Variants in PLPP4 observed in about 807,000 individuals in gnomAD.
PLPP4 encodes phospholipid phosphatase 4.
Under a neutral mutation model 32.2 loss-of-function variants are expected in PLPP4, and 20 were observed. The ratio of observed to expected loss-of-function variants is 0.62; its 90% CI spans 0.44 to 0.90. The LOEUF (loss-of-function observed/expected upper bound fraction) is 0.90. Ranked by LOEUF, PLPP4 falls within the 40% of genes least tolerant of loss-of-function variation. PLPP4 has a pLI of 0.00. For synonymous variants in PLPP4, 127 were observed against 133.0 expected, an observed-to-expected ratio of 0.95 and a Z score of 0.31; for missense variants, 257 against 353.1, an observed-to-expected ratio of 0.73 and a Z score of 2.18.
intron 1 of PLPP4, among the ~76,000 whole-genome samples, chr10:120,498,621 AGTTAT>A (rs1159674941): frequency 6.6e-6 from 1 of 151,000 alleles, no homozygotes; most frequent in Non-Finnish European, 1.5e-5. Flanking sequence ...GAGGGCCCTG[AGTTAT>A]GTACATAGAC....
intron 1 of PLPP4, among the ~76,000 whole-genome samples, chr10:120,491,565 A>G (rs532162594): frequency 1.3e-5 from 2 of 152,282 alleles, no homozygotes; most frequent in South Asian, 4.1e-4. Flanking sequence ...ATGAAGCTAA[A>G]TATTTCCCAA....
chr10:120,505,476 A>G (rs1845450746), intron 2 of PLPP4, among the ~76,000 whole-genome samples: 1 of 152,186 alleles, frequency 6.6e-6, no homozygotes, highest in Non-Finnish European at 1.5e-5. Context: ...CTCTCTGGGA[A>G]CTGCTCCAGA....
chr10:120,508,207 A>G (rs1845585824), intron 2 of PLPP4, among the ~76,000 whole-genome samples: 1 of 152,208 alleles, frequency 6.6e-6, no homozygotes, highest in South Asian at 2.1e-4. Flanking sequence ...AGAAAAAGAG[A>G]CAAGGCTGGA....
chr10:120,546,672 A>G (rs912048977), intron 5 of PLPP4, among the ~76,000 whole-genome samples: 5 of 152,056 alleles, frequency 3.3e-5, no homozygotes, highest in Non-Finnish European at 7.4e-5. Flanking sequence ...GCTCTTCCCT[A>G]TAGCCTACCC....
At chr10:120,567,928 G>A (rs1313239480) in intron 5 of PLPP4, among the ~76,000 whole-genome samples, 1 of 152,184 alleles carries the variant, frequency 6.6e-6, no homozygotes, top group South Asian at 2.1e-4. Context: ...TTCCTTTGTG[G>A]TGTGTGAGAT....
At chr10:120,585,547 G>C (rs999206493) in intron 6 of PLPP4, among the ~76,000 whole-genome samples, 1 of 152,096 alleles carries the variant, frequency 6.6e-6, no homozygotes, top group Admixed American at 6.5e-5. Context: ...GTCCTATTTT[G>C]GCATGCTCCA....
At position 120,518,914 on chromosome 10, in the gene PLPP4, T is replaced by A; in HGVS notation, c.320+18T>A. 3.7e-6 allele frequency: 6 copies of A among 1,600,216 alleles called. No individual in the cohort carries two copies. Among genetic ancestry groups the A allele is most frequent in the Non-Finnish European group, 5.1e-6 (6 of 1,169,456 alleles). ...GTGGGAAGGTAAGTTCCAAGAAGAA[T>A]GAAATGGTGACTTAGACTATCAAGG... On this transcript the variant is annotated intron_variant, in intron 4 of 6. Coordinates refer to ENST00000398250, the MANE Select transcript of PLPP4 (RefSeq NM_001030059.3).
At chr10:120,499,638 C>T (rs938969710) in intron 1 of PLPP4, among the ~76,000 whole-genome samples, 2 of 152,116 alleles carry the variant, frequency 1.3e-5, no homozygotes, top group African/African-American at 2.4e-5. Flanking sequence ...ATCTACAGAT[C>T]GGCAGCGTGG....
chr10:120,463,261 C>T (rs1258072321), intron 1 of PLPP4, among the ~76,000 whole-genome samples: 4 of 152,072 alleles, frequency 2.6e-5, no homozygotes, highest in East Asian at 1.9e-4. Flanking sequence ...CTCCTGACCT[C>T]GTGATCTGCC....
chr10:120,498,197 A>G (rs913371279), intron 1 of PLPP4, among the ~76,000 whole-genome samples: 1 of 152,216 alleles, frequency 6.6e-6, no homozygotes, highest in East Asian at 1.9e-4. Flanking sequence ...TTGCTTTTCA[A>G]TGTAGTAACA....
At chr10:120,477,243 A>AAAAAAAAAAAG (rs1268138561) in intron 1 of PLPP4, among the ~76,000 whole-genome samples, 1 of 12,420 alleles carries the variant, frequency 8.1e-5, no homozygotes, top group South Asian at 0.01. Context: ...AGAACGGTTC[A>AAAAAAAAAAAG]AAAAGAAAAG....
At chr10:120,562,532 C>A (rs896780807) in intron 5 of PLPP4, among the ~76,000 whole-genome samples, 1 of 152,164 alleles carries the variant, frequency 6.6e-6, no homozygotes, top group Non-Finnish European at 1.5e-5. Flanking sequence ...ATGCTTTAAA[C>A]GTCTGACCAA....
intron 5 of PLPP4, among the ~76,000 whole-genome samples, chr10:120,569,910 C>T (rs1848854224): frequency 6.6e-6 from 1 of 152,186 alleles, no homozygotes; most frequent in Non-Finnish European, 1.5e-5. Flanking sequence ...AGGCAGTTAG[C>T]ATTGCTCTAA....
At chr10:120,512,152 A>C (rs764808215) in intron 2 of PLPP4, among the ~76,000 whole-genome samples, 1 of 152,202 alleles carries the variant, frequency 6.6e-6, no homozygotes, top group Non-Finnish European at 1.5e-5. Flanking sequence ...TGAGGAAATC[A>C]GTACTTCAAC....
intron 5 of PLPP4, among the ~76,000 whole-genome samples, chr10:120,567,512 A>G (rs2134030066): frequency 6.6e-6 from 1 of 152,354 alleles, no homozygotes; most frequent in African/African-American, 2.4e-5. Flanking sequence ...CTTAATACCT[A>G]GAAGAGTTCT....
chr10:120,531,208 T>G (rs934082014), intron 5 of PLPP4, among the ~76,000 whole-genome samples: 2 of 151,010 alleles, frequency 1.3e-5, no homozygotes, highest in Non-Finnish European at 2.9e-5. Flanking sequence ...TGGGTTCAAG[T>G]GATTCTTCTG....
chr10:120,589,480 G>T lies in PLPP4; in HGVS notation c.794G>T (p.Gly265Val). 6.2e-7 allele frequency: 1 copy of T among 1,614,104 alleles called. No individual in the cohort carries two copies. The highest frequency in any genetic ancestry group is 8.5e-7 in the Non-Finnish European group (1 of 1,180,022). Residue 265 changes from glycine (G) to valine (V), a missense_variant, in exon 7 of 7, where the codon GGG becomes GTG. Physicochemically the swap from Gly to Val is moderately radical, Grantham distance 109. Transcript: ENST00000398250. Reference sequence around the variant, plus strand: ...AGCGCACCCAGCTTGCCTCTGGAGGGGATCACCGAAGGCCCGGTATGACCA... The same window carrying T: ...AGCGCACCCAGCTTGCCTCTGGAGGTGATCACCGAAGGCCCGGTATGACCA... ...ADSAPSLPLEGITEGPV is the reference protein window; with the variant it reads ...ADSAPSLPLEVITEGPV
intron 6 of PLPP4, among the ~76,000 whole-genome samples, chr10:120,585,593 A>T (rs1012036063): frequency 1.3e-5 from 2 of 152,216 alleles, no homozygotes; most frequent in Non-Finnish European, 2.9e-5. Context: ...TTATTAAATT[A>T]TCATCACAAC....
At chr10:120,546,052 T>G (rs937228055) in intron 5 of PLPP4, among the ~76,000 whole-genome samples, 1 of 152,194 alleles carries the variant, frequency 6.6e-6, no homozygotes, top group Non-Finnish European at 1.5e-5. Flanking sequence ...ACCAATGGTT[T>G]GCCAGGGGCT....
Sources: allele counts gnomAD v4.1 joint callset (sites outside exome capture counted in the v4.1 genomes callset), GRCh38; gene constraint gnomAD v4.1.1; transcripts MANE v1.5; gene names NCBI Gene and HGNC (gene_info 2026-07-23, HGNC 2026-07-21).